RYR3: variants seen among roughly 807,000 people sequenced by gnomAD.
The protein encoded by RYR3 is ryanodine receptor 3, also known as brain ryanodine receptor-calcium release channel.
Under a neutral mutation model 584.3 loss-of-function variants are expected in RYR3, and 207 were observed. The observed-to-expected ratio is 0.35, with a 90% CI of 0.32 to 0.40. The LOEUF (loss-of-function observed/expected upper bound fraction) is 0.40. Among genes scored for constraint, RYR3 ranks in the 10% least tolerant of loss-of-function variants. RYR3 has a pLI of 1.00. For synonymous variants in RYR3, 2,416 were observed against 2,248.5 expected (o/e 1.07, Z -2.11); for missense variants, 5,616 against 6,089.2 (o/e 0.92, Z 2.59).
chr15:33,665,875 A>G (rs559236675), intron 36 of RYR3, among the ~76,000 whole-genome samples: 1 of 152,342 alleles, frequency 6.6e-6, no homozygotes, highest in Admixed American at 6.5e-5. Context: ...TCCTCTGATC[A>G]ATCATTTCAG....
chr15:33,355,114 G>A (rs538238755), intron 1 of RYR3, among the ~76,000 whole-genome samples: 2 of 151,824 alleles, frequency 1.3e-5, no homozygotes, highest in African/African-American at 4.8e-5. Flanking sequence ...AACCTGGGGG[G>A]CGGAGGTTGC....
chr15:33,798,000 C>T (rs1303642089), intron 67 of RYR3, among the ~76,000 whole-genome samples: 1 of 152,186 alleles, frequency 6.6e-6, no homozygotes, highest in East Asian at 1.9e-4. Flanking sequence ...AATTTAGTCT[C>T]ACACGGAAAA....
chr15:33,557,844 G>A (rs2057167263), intron 10 of RYR3, among the ~76,000 whole-genome samples: 1 of 152,172 alleles, frequency 6.6e-6, no homozygotes, highest in South Asian at 2.1e-4. Flanking sequence ...GTGGTCATGA[G>A]CATTTCCTTA....
intron 19 of RYR3, among the ~76,000 whole-genome samples, chr15:33,615,522 G>A (rs1011601411): frequency 1.3e-5 from 2 of 152,134 alleles, no homozygotes; most frequent in Non-Finnish European, 2.9e-5. Context: ...CATATAAATG[G>A]ATATAATATA....
At position 33,865,399 on chromosome 15, in the gene RYR3, A is replaced by C; in HGVS notation, c.*173A>C. On this transcript the variant is annotated 3_prime_UTR_variant, in exon 104 of 104. Coordinates refer to ENST00000634891, the MANE Select transcript of RYR3 (RefSeq NM_001036.6). ...GAAATTGATTTGGCTTTTTGTGCCT[A>C]ATGGACATACACTGTGGGAGAGAAC... 1 of 589,102 alleles carries C rather than the reference A, an allele frequency of 1.7e-6. No individual in the cohort carries two copies. The highest frequency in any genetic ancestry group is 2.8e-5 in the East Asian group (1 of 35,758). 36.5% of individuals were successfully genotyped at this position (589,102 alleles called of 1,614,324 possible). A position where few individuals can be genotyped will look rare whatever the true frequency, so the allele number is the denominator to read the frequency against.
At chr15:33,453,634 A>G (rs2047314730) in intron 1 of RYR3, among the ~76,000 whole-genome samples, 1 of 152,228 alleles carries the variant, frequency 6.6e-6, no homozygotes, top group Non-Finnish European at 1.5e-5. Flanking sequence ...TTGTACCACA[A>G]ATCCTGGTAT....
chr15:33,581,581 T>A lies in RYR3; in HGVS notation c.1511T>A (p.Ile504Asn), dbSNP rs1344890218. 1 of 1,613,348 alleles carries A rather than the reference T, an allele frequency of 6.2e-7. No individual in the cohort carries two copies. Among genetic ancestry groups the A allele is most frequent in the South Asian group, 1.1e-5 (1 of 91,072 alleles). Residue 504 changes from isoleucine to asparagine, a missense_variant, in exon 14 of 104, where the codon ATT becomes AAT. Ile to Asn is a moderately radical substitution (Grantham distance 149). This residue lies in a region of RYR3 where 1,284 missense variants were observed against 1,344.6 expected (regional missense o/e 0.95). Coordinates refer to ENST00000634891, the MANE Select transcript of RYR3 (RefSeq NM_001036.6). ...VYNSVAHFAG[I>N]AREESGMAWK... is the part of the protein sequence containing the mutation. ...AATAGCGTAGCACACTTTGCAGGGA[T>A]TGCAAGGGAAGAGAGTGGCATGGCC...
intron 27 of RYR3, among the ~76,000 whole-genome samples, chr15:33,640,760 C>T (rs1261004882): frequency 6.6e-6 from 1 of 152,214 alleles, no homozygotes; most frequent in East Asian, 1.9e-4. Flanking sequence ...CTTCTGTATA[C>T]ATCTTGGCCG....
intron 57 of RYR3, among the ~76,000 whole-genome samples, chr15:33,753,095 C>T (rs928493008): frequency 6.6e-6 from 1 of 152,094 alleles, no homozygotes; most frequent in African/African-American, 2.4e-5. Context: ...TTTCAAATTT[C>T]CTCCCTTATC....
chr15:33,602,722 C>CTTTTTCTAGTCTTTTTTTT (rs2059723307), intron 17 of RYR3, among the ~76,000 whole-genome samples: 2 of 133,658 alleles, frequency 1.5e-5, no homozygotes, highest in Non-Finnish European at 3.2e-5. Flanking sequence ...GGGTCCTAAG[C>CTTTTTCTAGTCTTTTTTTT]TTTTTCTAGT....
At chr15:33,429,417 G>T (rs894209165) in intron 1 of RYR3, among the ~76,000 whole-genome samples, 2 of 152,218 alleles carry the variant, frequency 1.3e-5, no homozygotes, top group Non-Finnish European at 2.9e-5. Flanking sequence ...TTCTGAGAAA[G>T]ATTTTAAAAT....
At chr15:33,699,394 C>T (rs1314851057) in intron 40 of RYR3, among the ~76,000 whole-genome samples, 1 of 151,782 alleles carries the variant, frequency 6.6e-6, no homozygotes, top group Non-Finnish European at 1.5e-5. Context: ...CTCTCTCTCT[C>T]TCATCTCTCT....
At chr15:33,315,060 GTCC>G (rs1967962214) in intron 1 of RYR3, among the ~76,000 whole-genome samples, 1 of 152,122 alleles carries the variant, frequency 6.6e-6, no homozygotes, top group South Asian at 2.1e-4. Context: ...ATAGAAAGTT[GTCC>G]TCCTTCATCT....
rs190418585 is a variant in RYR3 at position 33,797,022 on chromosome 15, C to T, written c.9831-3748C>T. The stretch of plus-strand genomic sequence containing the variant: ...AACTCAGAAACAGAAACTCGAATAC[C>T]ACATGTTCTCACTTAGTGGGAGCTA... On this transcript the variant is annotated intron_variant, in intron 67 of 103. Coordinates refer to ENST00000634891, the MANE Select transcript of RYR3 (RefSeq NM_001036.6). Among the ~76,000 whole-genome samples the T allele has an allele frequency of 2.2e-3, 342 of 152,280 alleles. 1 individual carries two copies. The highest frequency in any genetic ancestry group is 5.0e-3 in the Admixed American group (77 of 15,306).
chr15:33,599,347 G>T (rs981995215), intron 16 of RYR3, among the ~76,000 whole-genome samples: 1 of 152,182 alleles, frequency 6.6e-6, no homozygotes, highest in Non-Finnish European at 1.5e-5. Context: ...ACACGCTCGT[G>T]ACACAGCCTC....
At position 33,466,337 on chromosome 15, in the gene RYR3, T is replaced by A. The variant is rs575906944; in HGVS notation, c.52-7082T>A. Among the ~76,000 whole-genome samples the A allele has an allele frequency of 3.9e-5, 6 of 152,232 alleles. No individual in the cohort carries two copies. In the South Asian group the frequency reaches 1.2e-3, roughly 32 times the overall value. Reference sequence around the variant, plus strand: ...ACAAAATAGTATCCTACAAGCCAAATGAAGAAAGTATTTTAAAAAGGAAAG... The same window carrying A: ...ACAAAATAGTATCCTACAAGCCAAAAGAAGAAAGTATTTTAAAAAGGAAAG... On this transcript the variant is annotated intron_variant, in intron 1 of 103. Coordinates refer to ENST00000634891, the MANE Select transcript of RYR3 (RefSeq NM_001036.6).
At chr15:33,437,755 T>G (rs574901945) in intron 1 of RYR3, among the ~76,000 whole-genome samples, 5 of 152,190 alleles carry the variant, frequency 3.3e-5, no homozygotes, top group South Asian at 2.1e-4. Flanking sequence ...ATTTTTGAGA[T>G]AAGGTCTTTC....
chr15:33,695,190 A>G (rs546751031), intron 38 of RYR3, among the ~76,000 whole-genome samples: 1 of 152,230 alleles, frequency 6.6e-6, no homozygotes, highest in East Asian at 1.9e-4. Flanking sequence ...CCAGGGTAGG[A>G]TGCATTTGTG....
intron 19 of RYR3, among the ~76,000 whole-genome samples, chr15:33,614,546 A>G (rs1170179752): frequency 3.9e-5 from 6 of 152,058 alleles, no homozygotes; most frequent in Admixed American, 3.9e-4. Flanking sequence ...GTGGTGAAAC[A>G]TTTTTTATGC....
Sources: gnomAD v4.1 joint callset for allele counts (sites outside exome capture counted in the v4.1 genomes callset) on GRCh38, gnomAD v4.1.1 for gene constraint, gnomAD v4.1.1 regional missense constraint, MANE v1.5 for transcripts, NCBI Gene and HGNC (gene_info 2026-07-23, HGNC 2026-07-21) for gene names.